The following B3GALT1 variants were observed in gnomAD, a reference collection of about 807,000 sequenced individuals.
The protein encoded by B3GALT1 is UDP-Gal:betaGlcNAc beta 1,3-galactosyltransferase, polypeptide 1.
Under a neutral mutation model 23.2 loss-of-function variants are expected in B3GALT1, and 10 were observed. The observed-to-expected ratio is 0.43, with a 90% CI of 0.27 to 0.73. B3GALT1 has a LOEUF of 0.73. Ranked by LOEUF, B3GALT1 falls within the 30% of genes least tolerant of loss-of-function variation. The pLI, the probability that B3GALT1 is intolerant of heterozygous loss-of-function variation, is 0.21. For synonymous variants in B3GALT1, 156 were observed against 141.5 expected (o/e 1.10, Z -0.73); for missense variants, 299 against 405.4 (o/e 0.74, Z 2.25).
chr2:167,715,527 A>C, intron 3 of B3GALT1: 5 of 1,613,204 alleles, frequency 3.1e-6, no homozygotes, highest in Non-Finnish European at 3.4e-6. Context: ...AGGGATTTTG[A>C]CTCATCTTCT....
At chr2:167,556,398 A>T (rs1252073647) in intron 2 of B3GALT1, among the ~76,000 whole-genome samples, 1 of 152,136 alleles carries the variant, frequency 6.6e-6, no homozygotes, top group Non-Finnish European at 1.5e-5. Flanking sequence ...AATGAACAAT[A>T]ATGAGAATGT....
At chr2:167,428,529 T>C (rs1459935666) in intron 1 of B3GALT1, among the ~76,000 whole-genome samples, 1 of 151,988 alleles carries the variant, frequency 6.6e-6, no homozygotes, top group Non-Finnish European at 1.5e-5. Context: ...ACAAAAAAAA[T>C]TAGCCAGGCA....
At chr2:167,816,030 G>A (rs1387200494) in intron 3 of B3GALT1, among the ~76,000 whole-genome samples, 4 of 152,128 alleles carry the variant, frequency 2.6e-5, no homozygotes, top group Non-Finnish European at 5.9e-5. Flanking sequence ...AAGTTGCAGT[G>A]CCTCTAACTT....
At chr2:167,718,680 T>C (rs1447240698) in intron 3 of B3GALT1, among the ~76,000 whole-genome samples, 1 of 152,174 alleles carries the variant, frequency 6.6e-6, no homozygotes, top group Non-Finnish European at 1.5e-5. Flanking sequence ...TGTGTTTTTA[T>C]AAAGAGTTGC....
chr2:167,555,163 G>A lies in B3GALT1; in HGVS notation c.-410+64886G>A, dbSNP rs199757965. On this transcript the variant is annotated intron_variant, in intron 2 of 4. Coordinates refer to ENST00000392690, the MANE Select transcript of B3GALT1 (RefSeq NM_020981.4). ...AGTCACAGTTTCTATCCAATCTATT[G>A]GGAAAATCTCAGGGAAACAATAGAA... is the stretch of plus-strand genomic sequence containing the variant. Among the ~76,000 whole-genome samples the A allele has an allele frequency of 1.1e-4, 17 of 152,182 alleles. No homozygotes were observed. In the East Asian group the frequency reaches 3.3e-3, roughly 29 times the overall value.
intron 4 of B3GALT1, among the ~76,000 whole-genome samples, chr2:167,843,054 C>G (rs1689682068): frequency 6.6e-6 from 1 of 152,148 alleles, no homozygotes; most frequent in Non-Finnish European, 1.5e-5. Flanking sequence ...ACCCAGGATG[C>G]CTGACCACAT....
intron 2 of B3GALT1, among the ~76,000 whole-genome samples, chr2:167,579,773 TC>T (rs1574150106): frequency 6.6e-6 from 1 of 152,252 alleles, no homozygotes; most frequent in East Asian, 1.9e-4. Flanking sequence ...TTTTTGTCTC[TC>T]CCTCTCACCT....
At chr2:167,340,667 C>T (rs1047599286) in intron 1 of B3GALT1, among the ~76,000 whole-genome samples, 23 of 152,070 alleles carry the variant, frequency 1.5e-4, no homozygotes, top group African/African-American at 5.6e-4. Context: ...TTAAGATTAT[C>T]GGAGTAAGTT....
At chr2:167,448,279 A>T (rs991265285) in intron 1 of B3GALT1, among the ~76,000 whole-genome samples, 1 of 151,836 alleles carries the variant, frequency 6.6e-6, no homozygotes, top group Non-Finnish European at 1.5e-5. Context: ...ATCTATGCCG[A>T]CATCTGTTTT....
chr2:167,769,141 C>A (rs1440958990), intron 3 of B3GALT1, among the ~76,000 whole-genome samples: 1 of 152,016 alleles, frequency 6.6e-6, no homozygotes, highest in Admixed American at 6.6e-5. Context: ...ACCTGGTGCC[C>A]AGGGCCAAGC....
chr2:167,726,496 C>T (rs1202471973), intron 3 of B3GALT1, among the ~76,000 whole-genome samples: 3 of 152,124 alleles, frequency 2.0e-5, no homozygotes, highest in African/African-American at 7.2e-5. Flanking sequence ...CATTTCCTGC[C>T]CCCAAAGTAT....
chr2:167,793,538 G>A (rs186104728), intron 3 of B3GALT1, among the ~76,000 whole-genome samples: 2 of 139,926 alleles, frequency 1.4e-5, no homozygotes, highest in Admixed American at 7.0e-5. Flanking sequence ...CTGGGAAAAT[G>A]ATTAGTTCGG....
At chr2:167,414,657 A>G (rs752203511) in intron 1 of B3GALT1, among the ~76,000 whole-genome samples, 2 of 152,220 alleles carry the variant, frequency 1.3e-5, no homozygotes, top group African/African-American at 2.4e-5. Context: ...AAGACACATT[A>G]CATTTGAAAT....
intron 1 of B3GALT1, among the ~76,000 whole-genome samples, chr2:167,431,817 G>A (rs1215528947): frequency 6.6e-6 from 1 of 150,598 alleles, no homozygotes; most frequent in African/African-American, 2.5e-5. Flanking sequence ...GCTTGGAATT[G>A]GGGGGGAAGG....
At chr2:167,604,980 G>A (rs1684938409) in intron 2 of B3GALT1, among the ~76,000 whole-genome samples, 1 of 152,204 alleles carries the variant, frequency 6.6e-6, no homozygotes. Context: ...AAGAGGTTGT[G>A]ATGTAATGAG....
chr2:167,849,291 G>C (rs896116627), intron 4 of B3GALT1, among the ~76,000 whole-genome samples: 1 of 152,112 alleles, frequency 6.6e-6, no homozygotes, highest in Non-Finnish European at 1.5e-5. Context: ...TAAGCAAAAA[G>C]AACAAATCTG....
At chr2:167,666,726 A>G (rs1343126430) in intron 3 of B3GALT1, among the ~76,000 whole-genome samples, 1 of 151,886 alleles carries the variant, frequency 6.6e-6, no homozygotes. Context: ...GTCTCTTTTT[A>G]TCTTTGTTGG....
chr2:167,851,530 A>G (rs752924900), intron 4 of B3GALT1, among the ~76,000 whole-genome samples: 65 of 152,218 alleles, frequency 4.3e-4, no homozygotes, highest in Non-Finnish European at 1.9e-4. Context: ...ATCATATTAA[A>G]GACTCTAAGC....
intron 2 of B3GALT1, among the ~76,000 whole-genome samples, chr2:167,505,691 A>G (rs1179521033): frequency 2.6e-5 from 4 of 152,164 alleles, no homozygotes; most frequent in African/African-American, 9.7e-5. Context: ...AATGTATTTT[A>G]GATCCAAGTG....
Sources: allele counts gnomAD v4.1 joint callset (sites outside exome capture counted in the v4.1 genomes callset), GRCh38; gene constraint gnomAD v4.1.1; transcripts MANE v1.5; gene names NCBI Gene and HGNC (gene_info 2026-07-23, HGNC 2026-07-21).